Variants in CEP128 observed in about 807,000 individuals in gnomAD.
CEP128 encodes the protein centrosomal protein 128, also known as centrosomal protein 128kDa.
Under a neutral mutation model 156.7 loss-of-function variants are expected in CEP128, and 132 were observed. The observed-to-expected ratio is 0.84, with a 90% confidence interval of 0.73 to 0.97. The LOEUF (loss-of-function observed/expected upper bound fraction) is 0.97. CEP128 is among the 50% of genes least tolerant of loss of function. CEP128 has a pLI of 0.00. For missense variants in CEP128, 1,252 were observed against 1,281.9 expected, an observed-to-expected ratio of 0.98 and a Z score of 0.36; for synonymous variants, 469 against 448.9, an observed-to-expected ratio of 1.04 and a Z score of -0.57.
rs1005011937 is a variant in CEP128, at chr14:80,799,177, G to A, written c.1210-6067C>T. On this transcript the variant is annotated intron_variant, in intron 13 of 24. Coordinates refer to ENST00000555265, the MANE Select transcript of CEP128 (RefSeq NM_152446.5). ...CTTAACCTTCATGAACCAAAGCAAC[G>A]TTGTTGCCGGAAGTCAGGGACCCCA... Among the ~76,000 whole-genome samples the A allele has an allele frequency of 4.5e-4, 69 of 152,314 alleles. 1 individual carries two copies. Among genetic ancestry groups the A allele is most frequent in the Admixed American group, 3.0e-3 (46 of 15,304 alleles).
At chr14:80,764,415 C>T (rs926659130) in intron 16 of CEP128, among the ~76,000 whole-genome samples, 22 of 151,412 alleles carry the variant, frequency 1.5e-4, no homozygotes, top group Admixed American at 1.2e-3. Context: ...AGGAGAATGG[C>T]GTGAACCCGG....
intron 21 of CEP128, among the ~76,000 whole-genome samples, chr14:80,550,681 G>A (rs532410735): frequency 4.7e-5 from 7 of 150,368 alleles, no homozygotes; most frequent in South Asian, 4.2e-4. Flanking sequence ...TATGAATATC[G>A]AGAAAAATTG....
chr14:80,625,660 T>C (rs1213467642), intron 19 of CEP128, among the ~76,000 whole-genome samples: 1 of 152,060 alleles, frequency 6.6e-6, no homozygotes, highest in Admixed American at 6.6e-5. Context: ...GTTATCGAGA[T>C]CTTTCATCTC....
At chr14:80,693,639 A>G (rs1896792002) in intron 19 of CEP128, among the ~76,000 whole-genome samples, 2 of 152,206 alleles carry the variant, frequency 1.3e-5, no homozygotes, top group Non-Finnish European at 2.9e-5. Flanking sequence ...AGAACAAAGA[A>G]GTTTCCAATA....
chr14:80,600,942 AACT>A (rs1321712967), intron 19 of CEP128, among the ~76,000 whole-genome samples: 1 of 152,082 alleles, frequency 6.6e-6, no homozygotes, highest in Non-Finnish European at 1.5e-5. Context: ...TATTAATCCA[AACT>A]AGAATTTTAT....
chr14:80,586,932 T>C (rs1256555312), intron 19 of CEP128, among the ~76,000 whole-genome samples: 1 of 152,214 alleles, frequency 6.6e-6, no homozygotes, highest in African/African-American at 2.4e-5. Flanking sequence ...TATGACTATA[T>C]TAGCTCAAAT....
intron 8 of CEP128, among the ~76,000 whole-genome samples, chr14:80,876,990 T>C (rs1347561002): frequency 6.6e-6 from 1 of 152,188 alleles, no homozygotes; most frequent in African/African-American, 2.4e-5. Context: ...TCATGCCTTC[T>C]AAGGCTCAAT....
intron 19 of CEP128, among the ~76,000 whole-genome samples, chr14:80,642,408 G>A (rs762573875): frequency 2.6e-5 from 4 of 152,192 alleles, no homozygotes; most frequent in Non-Finnish European, 5.9e-5. Context: ...GACAAGGCTG[G>A]TGCTATGGCT....
At chr14:80,897,995 G>T (rs1198312123) in intron 7 of CEP128, among the ~76,000 whole-genome samples, 1 of 152,122 alleles carries the variant, frequency 6.6e-6, no homozygotes, top group Non-Finnish European at 1.5e-5. Flanking sequence ...GCCCTGACTG[G>T]TCTCAAACTC....
In CEP128 at chr14:80,817,752, G is replaced by A. The variant is rs147593322; in HGVS notation, c.1209+13391C>T. Among the ~76,000 whole-genome samples the A allele has an allele frequency of 8.7e-4, 132 of 152,138 alleles. No homozygotes were observed. In the Middle Eastern group the frequency reaches 0.024, roughly 27 times the overall value. ...AAAAATTAGCCAGGTGTGGTGGCAC[G>A]CGCCTGTAGTCCTGGCTACTCGGGA... is the stretch of plus-strand genomic sequence containing the variant. On this transcript the variant is annotated intron_variant, in intron 13 of 24. Transcript: ENST00000555265.
intron 2 of CEP128, among the ~76,000 whole-genome samples, chr14:80,928,680 G>T (rs1038351344): frequency 2.0e-5 from 3 of 152,070 alleles, no homozygotes; most frequent in South Asian, 4.2e-4. Context: ...AATCACAGGC[G>T]TTCCTGAGAA....
downstream of CEP128, among the ~76,000 whole-genome samples, chr14:80,485,576 C>T (rs956495846): frequency 1.6e-4 from 24 of 151,506 alleles, no homozygotes; most frequent in Admixed American, 4.6e-4. Context: ...ACTTTATCAG[C>T]GTACCAAGTA....
intron 4 of CEP128, among the ~76,000 whole-genome samples, chr14:80,910,251 T>C (rs1884129661): frequency 6.6e-6 from 1 of 152,232 alleles, no homozygotes; most frequent in South Asian, 2.1e-4. Flanking sequence ...CCAGTATAAA[T>C]GCAAATAAAA....
At chr14:80,823,877 A>T (rs1478642069) in intron 13 of CEP128, among the ~76,000 whole-genome samples, 1 of 152,252 alleles carries the variant, frequency 6.6e-6, no homozygotes, top group African/African-American at 2.4e-5. Flanking sequence ...GTGCCCCAGT[A>T]GGGACAATGT....
At chr14:80,588,048 CAA>C (rs1262326676) in intron 19 of CEP128, among the ~76,000 whole-genome samples, 1 of 152,088 alleles carries the variant, frequency 6.6e-6, no homozygotes, top group Admixed American at 6.6e-5. Flanking sequence ...ACAGAAGCTA[CAA>C]AAGTTTGTGC....
At chr14:80,908,533 G>C (rs1444255280) in intron 4 of CEP128, among the ~76,000 whole-genome samples, 2 of 151,860 alleles carry the variant, frequency 1.3e-5, no homozygotes, top group Non-Finnish European at 2.9e-5. Context: ...ATTTTCATTT[G>C]GTGCCTTTTA....
intron 19 of CEP128, among the ~76,000 whole-genome samples, chr14:80,735,044 A>G (rs1898464069): frequency 6.6e-6 from 1 of 152,058 alleles, no homozygotes; most frequent in African/African-American, 2.4e-5. Context: ...GAAAACTGAG[A>G]GCTAAATAAA....
rs963177282 is a variant in CEP128, at chr14:80,778,247, G to A, written c.2212-201C>T. Among the ~76,000 whole-genome samples, 7 of 152,218 alleles carry A rather than the reference G, an allele frequency of 4.6e-5. No homozygotes were observed. The East Asian group carries it at 7.7e-4, about 17-fold the overall frequency. ...TCATCAGTATTTACCAAGCATTTAC[G>A]AAGTGGTAGATACTGGACTAGATGC... is the stretch of plus-strand genomic sequence containing the variant. On this transcript the variant is annotated intron_variant, in intron 15 of 24. Coordinates refer to ENST00000555265, the MANE Select transcript of CEP128 (RefSeq NM_152446.5).
chr14:80,486,924 C>A (rs1887178875), downstream of CEP128, among the ~76,000 whole-genome samples: 1 of 152,038 alleles, frequency 6.6e-6, no homozygotes, highest in African/African-American at 2.4e-5. Flanking sequence ...CAAACACATG[C>A]AAAAATGTAA....
Sources: allele counts gnomAD v4.1 joint callset (sites outside exome capture counted in the v4.1 genomes callset), GRCh38; gene constraint gnomAD v4.1.1; transcripts MANE v1.5; gene names NCBI Gene and HGNC (gene_info 2026-07-23, HGNC 2026-07-21).